Variants in TMEM17 observed in about 807,000 individuals in gnomAD.
TMEM17 encodes the protein transmembrane protein 17.
TMEM17 carries 15 observed loss-of-function variants against 19.1 expected under a neutral mutation model. The ratio of observed to expected loss-of-function variants is 0.78; its 90% confidence interval spans 0.52 to 1.21. The LOEUF (loss-of-function observed/expected upper bound fraction) is 1.21, where lower values mean the gene tolerates loss of function less well. TMEM17 is among the 50% of genes most tolerant of loss of function. The pLI, the probability that TMEM17 is intolerant of heterozygous loss-of-function variation, is 0.00. For missense variants in TMEM17, 245 were observed against 242.3 expected (o/e 1.01, Z -0.07); for synonymous variants, 103 against 86.9 (o/e 1.19, Z -1.03).
Position 62,501,245 on chromosome 2 carries a change from G to T in TMEM17, c.561C>A (p.Asp187Glu). 1 of 1,614,170 alleles carries T rather than the reference G, an allele frequency of 6.2e-7. No homozygotes were observed. The highest frequency in any genetic ancestry group is 8.5e-7 in the Non-Finnish European group (1 of 1,180,038). The change falls in exon 4 of 4, where the codon GAC (aspartate) becomes GAA (glutamate). Residue 187 changes from aspartate to glutamate, a missense_variant. Physicochemically the swap from Asp to Glu is conservative, Grantham distance 45 (BLOSUM62 2). Transcript: ENST00000335390. ...DFDRLSANRG[D>E]MRRMRSCIEE... ...CTATACATGACCTCATCCTTCTCAT[G>T]TCTCCTCTGTTTGCAGAGAGCCGGT...
At chr2:62,458,226 G>A in the TMEM17 span, among the ~76,000 whole-genome samples, 1 of 152,228 alleles carries the variant, frequency 6.6e-6, no homozygotes, top group Non-Finnish European at 1.5e-5. Context: ...ATCCCAGGAA[G>A]GTGTCAAGTC....
intron 1 of TMEM17, among the ~76,000 whole-genome samples, chr2:62,504,554 A>T (rs191594264): frequency 6.6e-6 from 1 of 152,338 alleles, no homozygotes; most frequent in East Asian, 1.9e-4. Context: ...ATTTCAGCAG[A>T]TCAAACTTAT....
chr2:62,469,061 TG>T, the TMEM17 span, among the ~76,000 whole-genome samples: 18,865 of 152,252 alleles, frequency 0.12, 1,328 homozygotes, highest in East Asian at 0.25. Flanking sequence ...ATACCTTTAC[TG>T]TTCCAGGAAA....
At chr2:62,463,115 G>A in the TMEM17 span, 3 of 152,290 alleles carry the variant, frequency 2.0e-5, no homozygotes, top group Non-Finnish European at 4.4e-5. Flanking sequence ...GAGCAGCCTT[G>A]GGGAATCAAA....
chr2:62,489,699 A>G, the TMEM17 span, among the ~76,000 whole-genome samples: 219 of 152,310 alleles, frequency 1.4e-3, no homozygotes, highest in African/African-American at 5.0e-3. Context: ...GAAGTTTTCA[A>G]AATAAATTGG....
chr2:62,472,734 A>T, the TMEM17 span, among the ~76,000 whole-genome samples: 1 of 152,240 alleles, frequency 6.6e-6, no homozygotes, highest in Non-Finnish European at 1.5e-5. Context: ...CCAGGTTTTA[A>T]TGTGTCTCTC....
At chr2:62,483,138 G>T in the TMEM17 span, among the ~76,000 whole-genome samples, 2 of 152,180 alleles carry the variant, frequency 1.3e-5, no homozygotes, top group African/African-American at 4.8e-5. Flanking sequence ...CAAATCCAGG[G>T]CTGTCTGATT....
chr2:62,456,263 C>T, the TMEM17 span, among the ~76,000 whole-genome samples: 1 of 152,204 alleles, frequency 6.6e-6, no homozygotes, highest in Non-Finnish European at 1.5e-5. Flanking sequence ...TTCACTGGGC[C>T]AAAATTAAGG....
At chr2:62,484,922 G>T in the TMEM17 span, among the ~76,000 whole-genome samples, 1 of 152,146 alleles carries the variant, frequency 6.6e-6, no homozygotes, top group Non-Finnish European at 1.5e-5. Flanking sequence ...AGCAGTCATG[G>T]CTTTCCCAAC....
chr2:62,492,501 G>A, the TMEM17 span, among the ~76,000 whole-genome samples: 2 of 152,180 alleles, frequency 1.3e-5, no homozygotes, highest in African/African-American at 2.4e-5. Flanking sequence ...TTAAGATTAG[G>A]ATTCATTTTC....
the TMEM17 span, among the ~76,000 whole-genome samples, chr2:62,456,273 G>T: frequency 6.6e-6 from 1 of 152,326 alleles, no homozygotes; most frequent in Admixed American, 6.5e-5. Context: ...CAAAATTAAG[G>T]GGTAAGCAGA....
downstream of TMEM17, among the ~76,000 whole-genome samples, chr2:62,498,697 C>A: frequency 7.1e-6 from 1 of 141,272 alleles, no homozygotes; most frequent in Non-Finnish European, 1.5e-5. Context: ...GCCTGGGCGA[C>A]AGAGCGAGAC....
chr2:62,491,072 C>A, the TMEM17 span: 1 of 100,190 alleles, frequency 1.0e-5, no homozygotes, highest in African/African-American at 4.4e-5. Flanking sequence ...GAGCCAGACT[C>A]CGTCTCAAAA....
At chr2:62,475,379 C>T in the TMEM17 span, among the ~76,000 whole-genome samples, 7 of 152,228 alleles carry the variant, frequency 4.6e-5, no homozygotes, top group East Asian at 7.7e-4. Context: ...CCGCTGAGTG[C>T]GGCTGTCCTC....
At chr2:62,454,261 G>A in the TMEM17 span, among the ~76,000 whole-genome samples, 2 of 152,232 alleles carry the variant, frequency 1.3e-5, no homozygotes, top group Non-Finnish European at 2.9e-5. Context: ...GGAATGCAGT[G>A]TCTCCACAGA....
At chr2:62,462,607 C>T in the TMEM17 span, among the ~76,000 whole-genome samples, 3 of 152,194 alleles carry the variant, frequency 2.0e-5, no homozygotes, top group Non-Finnish European at 4.4e-5. Context: ...GACACAGAAA[C>T]ACTGGTAATC....
rs1051967934 is a variant in TMEM17, at chr2:62,500,572, A to G, written c.*637T>C. ...ACCATTCTCCTGCCTCAGCCTCCCA[A>G]GTAGCTGGGACTACAGGTGCCTGCA... is the stretch of plus-strand genomic sequence containing the variant. On this transcript the variant is annotated 3_prime_UTR_variant, in exon 4 of 4. Coordinates refer to ENST00000335390, the MANE Select transcript of TMEM17 (RefSeq NM_198276.3). 4 of 151,530 alleles carry G rather than the reference A, an allele frequency of 2.6e-5. No individual in the cohort carries two copies. The highest frequency in any genetic ancestry group is 9.7e-5 in the African/African-American group (4 of 41,168). The allele number at this position is 151,530 out of a possible 1,614,324, so 9.4% of individuals were successfully genotyped here. A position where few individuals can be genotyped will look rare whatever the true frequency, so the allele number is the denominator to read the frequency against.
the TMEM17 span, among the ~76,000 whole-genome samples, chr2:62,493,259 C>T: frequency 6.6e-6 from 1 of 152,168 alleles, no homozygotes; most frequent in Non-Finnish European, 1.5e-5. Context: ...AACTCCTGGG[C>T]TCAAGCAATC....
chr2:62,491,863 C>A, the TMEM17 span, among the ~76,000 whole-genome samples: 5 of 146,056 alleles, frequency 3.4e-5, no homozygotes, highest in Non-Finnish European at 7.5e-5. Context: ...CAGCTTTGAC[C>A]AACATGAAAT....
Sources: allele counts gnomAD v4.1 joint callset (sites outside exome capture counted in the v4.1 genomes callset), GRCh38; gene constraint gnomAD v4.1.1; transcripts MANE v1.5; gene names NCBI Gene and HGNC (gene_info 2026-07-23, HGNC 2026-07-21).